FHOD3: variants seen among roughly 807,000 people sequenced by gnomAD.
The protein encoded by FHOD3 is formin homology 2 domain containing 3, also known as FH1/FH2 domain-containing protein 3.
A neutral mutation model predicts 173.0 loss-of-function variants in FHOD3; 90 were observed. That is an observed-to-expected ratio of 0.52 (90% CI 0.44 to 0.62). The LOEUF (loss-of-function observed/expected upper bound fraction) is 0.62, where lower values mean the gene tolerates loss of function less well. FHOD3 is among the 20% of genes least tolerant of loss of function. The pLI is 0.00. For missense variants in FHOD3, 1,945 were observed against 2,034.7 expected (o/e 0.96, Z 0.85); for synonymous variants, 828 against 823.0 (o/e 1.01, Z -0.10).
At chr18:36,589,440 A>G (rs931874070) in intron 6 of FHOD3, among the ~76,000 whole-genome samples, 4 of 152,214 alleles carry the variant, frequency 2.6e-5, no homozygotes, top group African/African-American at 7.2e-5. Context: ...CCCAAAAGCC[A>G]TCACATGGTT....
At chr18:36,482,858 C>CACACACACACACAG (rs1400178557) in intron 3 of FHOD3, among the ~76,000 whole-genome samples, 7 of 130,372 alleles carry the variant, frequency 5.4e-5, no homozygotes, top group African/African-American at 2.2e-4. Context: ...CACACACACA[C>CACACACACACACAG]AGAGAGAGAG....
intron 1 of FHOD3, among the ~76,000 whole-genome samples, chr18:36,348,375 C>T (rs1229746404): frequency 6.6e-6 from 1 of 152,146 alleles, no homozygotes; most frequent in African/African-American, 2.4e-5. Flanking sequence ...TCAGGGGACC[C>T]ATAGTCAAGC....
chr18:36,375,697 C>T (rs550238992), intron 3 of FHOD3, among the ~76,000 whole-genome samples: 49 of 152,252 alleles, frequency 3.2e-4, no homozygotes, highest in African/African-American at 9.9e-4. Flanking sequence ...GCAACCCTCA[C>T]GAAAAATGAA....
At chr18:36,540,158 C>G (rs1411895115) in intron 5 of FHOD3, among the ~76,000 whole-genome samples, 14 of 152,160 alleles carry the variant, frequency 9.2e-5, no homozygotes. Context: ...GGGGAAAATT[C>G]TGCATCTCAA....
chr18:36,696,887 A>G (rs991275585), intron 17 of FHOD3, among the ~76,000 whole-genome samples: 2 of 152,224 alleles, frequency 1.3e-5, no homozygotes, highest in Non-Finnish European at 2.9e-5. Flanking sequence ...GCATCTCTTC[A>G]TTCATTGCTT....
chr18:36,382,192 G>T (rs991332851), intron 3 of FHOD3, among the ~76,000 whole-genome samples: 1 of 152,184 alleles, frequency 6.6e-6, no homozygotes, highest in Non-Finnish European at 1.5e-5. Flanking sequence ...GGGGAATGGG[G>T]TGGGATGCTG....
At chr18:36,326,113 C>CA (rs1330693210) in intron 1 of FHOD3, among the ~76,000 whole-genome samples, 1 of 152,176 alleles carries the variant, frequency 6.6e-6, no homozygotes. Context: ...AGTCAAAATA[C>CA]AAAAATGTCT....
At chr18:36,753,036 C>A (rs1471475239) in intron 24 of FHOD3, among the ~76,000 whole-genome samples, 2 of 151,976 alleles carry the variant, frequency 1.3e-5, no homozygotes, top group African/African-American at 4.8e-5. Flanking sequence ...TGACCTGACA[C>A]AGGGTGGTCA....
chr18:36,661,123 A>G (rs527416394), intron 14 of FHOD3, among the ~76,000 whole-genome samples: 44 of 137,030 alleles, frequency 3.2e-4, no homozygotes, highest in East Asian at 7.9e-4. Flanking sequence ...TAAGTGGGGG[A>G]AAAAAAAAAA....
intron 14 of FHOD3, among the ~76,000 whole-genome samples, chr18:36,678,524 CAAAAAAAAAAAAAA>C (rs58064190): frequency 1.4e-5 from 1 of 71,154 alleles, no homozygotes; most frequent in Non-Finnish European, 2.6e-5. Context: ...GACCCTGTCT[CAAAAAAAAAAAAAA>C]AAAAAAAAAA....
At chr18:36,564,854 A>G (rs181189215) in intron 5 of FHOD3, among the ~76,000 whole-genome samples, 1 of 152,220 alleles carries the variant, frequency 6.6e-6, no homozygotes, top group East Asian at 1.9e-4. Flanking sequence ...GGTCATTCTA[A>G]GGTAGAGAGA....
chr18:36,683,684 T>C (rs1042357245), intron 15 of FHOD3, among the ~76,000 whole-genome samples: 1 of 152,166 alleles, frequency 6.6e-6, no homozygotes. Flanking sequence ...TTTCTAAAGA[T>C]AAAAGTGTAG....
At chr18:36,640,843 C>T (rs1332691569) in intron 10 of FHOD3, among the ~76,000 whole-genome samples, 3 of 152,190 alleles carry the variant, frequency 2.0e-5, no homozygotes, top group Middle Eastern at 3.4e-3. Context: ...GTTCAGGAAC[C>T]GTGCTTCGAA....
chr18:36,344,004 T>C lies in FHOD3; in HGVS notation c.166-11535T>C, dbSNP rs2045761606. On this transcript the variant is annotated intron_variant, in intron 1 of 28. Coordinates refer to ENST00000590592, the MANE Select transcript of FHOD3 (RefSeq NM_001281740.3). The stretch of plus-strand genomic sequence containing the variant: ...GTGATGAAAATGTTCTGAAATTCAC[T>C]GTGGTGATGGATATACAACTCTGTG... Among the ~76,000 whole-genome samples, 5 of 152,178 alleles carry C rather than the reference T, an allele frequency of 3.3e-5. No individual in the cohort carries two copies. The South Asian group carries it at 1.0e-3, about 31-fold the overall frequency.
At chr18:36,637,752 A>C (rs755719556) in intron 10 of FHOD3, among the ~76,000 whole-genome samples, 1 of 152,220 alleles carries the variant, frequency 6.6e-6, no homozygotes, top group Non-Finnish European at 1.5e-5. Flanking sequence ...GGATATGAGA[A>C]TATATCCTTG....
intron 17 of FHOD3, 112 bp downstream of exon 17, chr18:36,693,535 G>A: frequency 2.0e-6 from 2 of 985,356 alleles, no homozygotes; most frequent in Non-Finnish European, 3.0e-6. Context: ...GCAACTATGG[G>A]TACACTTTGT....
chr18:36,554,720 T>A (rs987326057), intron 5 of FHOD3, among the ~76,000 whole-genome samples: 3 of 152,222 alleles, frequency 2.0e-5, no homozygotes, highest in Non-Finnish European at 4.4e-5. Context: ...AGCGATCCCT[T>A]TCTGGTAAAA....
chr18:36,718,438 C>T lies in FHOD3; in HGVS notation c.3140C>T (p.Pro1047Leu), dbSNP rs760500987. ...PPPLLDSIPP[P>L]PVPGNLLVPP... ...CCCCTGTTGGACAGCATTCCTCCCC[C>T]TCCTGTCCCTGGTAATTTATTGGTT... The change falls in exon 19 of 29, where the codon CCT (proline) becomes CTT (leucine). Residue 1047 changes from proline to leucine, a missense_variant. By Grantham distance (98) the Pro-to-Leu change is moderately conservative. Coordinates refer to ENST00000590592, the MANE Select transcript of FHOD3 (RefSeq NM_001281740.3). The T allele has an allele frequency of 6.2e-6, 10 of 1,609,892 alleles. No individual in the cohort carries two copies. The highest frequency in any genetic ancestry group is 1.6e-4 in the Middle Eastern group (1 of 6,078).
rs1317305079 is a variant in FHOD3, at chr18:36,416,428, T to C, written c.337+43684T>C. 2.0e-5 allele frequency among the ~76,000 whole-genome samples: 3 copies of C among 152,224 alleles called. No individual in the cohort carries two copies. In the East Asian group the frequency reaches 5.8e-4, roughly 29 times the overall value. ...TGTGATGAGTCCGTAAGGTCTGTCATGTGGGCATCTCGATTCACATCCTGG... is the reference window on the plus strand; with the variant it reads ...TGTGATGAGTCCGTAAGGTCTGTCACGTGGGCATCTCGATTCACATCCTGG... On this transcript the variant is annotated intron_variant, in intron 3 of 28. Coordinates refer to ENST00000590592, the MANE Select transcript of FHOD3 (RefSeq NM_001281740.3).
Sources: gnomAD v4.1 joint callset for allele counts (sites outside exome capture counted in the v4.1 genomes callset) on GRCh38, gnomAD v4.1.1 for gene constraint, MANE v1.5 for transcripts, NCBI Gene and HGNC (gene_info 2026-07-23, HGNC 2026-07-21) for gene names.